NUP153: variants seen among roughly 807,000 people sequenced by gnomAD.
NUP153 encodes nuclear pore complex protein Nup153.
NUP153 carries 27 observed loss-of-function variants against 134.6 expected under a neutral mutation model. That is an observed-to-expected ratio of 0.20 (90% CI 0.15 to 0.28). NUP153 has a LOEUF of 0.28. Ranked by LOEUF, NUP153 falls within the 10% of genes least tolerant of loss-of-function variation. NUP153 has a pLI of 1.00. For synonymous variants in NUP153, 640 were observed against 623.5 expected (o/e 1.03, Z -0.40); for missense variants, 1,821 against 1,731.3 (o/e 1.05, Z -0.92).
chr6:17,659,143 C>T (rs768593150), intron 11 of NUP153, among the ~76,000 whole-genome samples: 3 of 152,252 alleles, frequency 2.0e-5, no homozygotes, highest in Non-Finnish European at 4.4e-5. Flanking sequence ...GCCATATTCA[C>T]CTGACCTCTC....
At chr6:17,681,326 C>A (rs1410562209) in intron 2 of NUP153, among the ~76,000 whole-genome samples, 1 of 152,130 alleles carries the variant, frequency 6.6e-6, no homozygotes, top group African/African-American at 2.4e-5. Context: ...GCGGCTCATG[C>A]CTGTAATCCT....
At chr6:17,673,175 T>C (rs1380344576) in intron 5 of NUP153, among the ~76,000 whole-genome samples, 1 of 152,150 alleles carries the variant, frequency 6.6e-6, no homozygotes, top group South Asian at 2.1e-4. Context: ...GAGACCAGCC[T>C]GGCTAAGATG....
At position 17,675,498 on chromosome 6, in the gene NUP153, T is replaced by C. The variant is rs779959742; in HGVS notation, c.583+24A>G. The C allele has an allele frequency of 6.2e-7, 1 of 1,611,832 alleles. No individual in the cohort carries two copies. The highest frequency in any genetic ancestry group is 8.5e-7 in the Non-Finnish European group (1 of 1,178,574). On this transcript the variant is annotated intron_variant, in intron 3 of 21. Coordinates refer to ENST00000262077, the MANE Select transcript of NUP153 (RefSeq NM_005124.4). This position sits in a 1 kb window ranked among gnomAD's most constrained non-coding sequence, Gnocchi z 4.4. ...AAATTTAATGTTACTACCCAAATTATGTACTACCACATGTCAAGAATACCT... is the reference window on the plus strand; with the variant it reads ...AAATTTAATGTTACTACCCAAATTACGTACTACCACATGTCAAGAATACCT...
At chr6:17,701,990 A>C (rs1770141638) in intron 1 of NUP153, among the ~76,000 whole-genome samples, 1 of 152,086 alleles carries the variant, frequency 6.6e-6, no homozygotes, top group African/African-American at 2.4e-5. Context: ...CGGGACAAAA[A>C]GGGCAAAAAT....
Position 17,669,292 on chromosome 6 carries a change from C to T in NUP153, c.1014+1G>A. Reference sequence around the variant, plus strand: ...GTAAAAAGGTTTAAATCTCAACTTACAGAATTCAGAGGAGAAGAAACAATG... The same window carrying T: ...GTAAAAAGGTTTAAATCTCAACTTATAGAATTCAGAGGAGAAGAAACAATG... On this transcript the variant is annotated splice_donor_variant, in intron 7 of 21. Transcript: ENST00000262077. LOFTEE classifies it high-confidence loss of function. 6 of 1,609,270 alleles carry T rather than the reference C, an allele frequency of 3.7e-6. No individual in the cohort carries two copies. Among genetic ancestry groups the T allele is most frequent in the Non-Finnish European group, 5.1e-6 (6 of 1,176,102 alleles).
intron 8 of NUP153, among the ~76,000 whole-genome samples, chr6:17,667,534 G>C (rs1767608258): frequency 6.6e-6 from 1 of 152,080 alleles, no homozygotes; most frequent in Non-Finnish European, 1.5e-5. Context: ...CTAATACGGT[G>C]AAACCCCATC....
At chr6:17,618,732 A>C (rs1363042105) in intron 20 of NUP153, among the ~76,000 whole-genome samples, 1 of 151,950 alleles carries the variant, frequency 6.6e-6, no homozygotes, top group African/African-American at 2.4e-5. Flanking sequence ...CGCCTGGCTA[A>C]TTTTTTGTAT....
intron 14 of NUP153, among the ~76,000 whole-genome samples, chr6:17,644,536 T>C (rs1766037334): frequency 6.6e-6 from 1 of 152,246 alleles, no homozygotes; most frequent in African/African-American, 2.4e-5. Flanking sequence ...GCCCTTGAGC[T>C]TTGTGTTTAT....
intron 1 of NUP153, among the ~76,000 whole-genome samples, chr6:17,696,514 G>A (rs1265036129): frequency 6.6e-6 from 1 of 152,162 alleles, no homozygotes. Flanking sequence ...CCAGTACTTT[G>A]AGAGGCCGAG....
At chr6:17,671,742 C>G (rs1373920764) in intron 5 of NUP153, among the ~76,000 whole-genome samples, 1 of 152,168 alleles carries the variant, frequency 6.6e-6, no homozygotes, top group African/African-American at 2.4e-5. Flanking sequence ...CATGCTGGCT[C>G]ATACCTATAA....
intron 2 of NUP153, among the ~76,000 whole-genome samples, chr6:17,682,494 A>G (rs1350872823): frequency 6.6e-6 from 1 of 152,152 alleles, no homozygotes; most frequent in Non-Finnish European, 1.5e-5. Flanking sequence ...TAACTGCAGA[A>G]TTTTCAAAAT....
chr6:17,640,636 AGAGT>A (rs1389262309), intron 14 of NUP153, among the ~76,000 whole-genome samples: 3 of 152,204 alleles, frequency 2.0e-5, no homozygotes, highest in Admixed American at 2.0e-4. Flanking sequence ...TTCAAAACAG[AGAGT>A]GAGTGTCTTG....
rs201122253 is a variant in NUP153 at position 17,669,031 on chromosome 6, GAA to G, written c.1015-5_1015-4del. 1.9e-3 allele frequency: 2,275 copies of G among 1,193,150 alleles called. No homozygotes were observed. The highest frequency in any genetic ancestry group is 5.7e-3 in the East Asian group (199 of 34,878). The allele number at this position is 1,193,150 out of a possible 1,614,324, so 73.9% of individuals were successfully genotyped here. A position where few individuals can be genotyped will look rare whatever the true frequency, so the allele number is the denominator to read the frequency against. Reference sequence around the variant, plus strand: ...TCTATCCCACTCCTATCAAGAGGCTGAAAAAAAAAAAAAACACTATTAGAATA... The same window carrying G: ...TCTATCCCACTCCTATCAAGAGGCTGAAAAAAAAAAAACACTATTAGAATA... On this transcript the variant is annotated splice_polypyrimidine_tract_variant and splice_region_variant and intron_variant, in intron 7 of 21. Coordinates refer to ENST00000262077, the MANE Select transcript of NUP153 (RefSeq NM_005124.4).
At chr6:17,619,851 AGTTTGG>A (rs1202238822) in intron 20 of NUP153, among the ~76,000 whole-genome samples, 5 of 152,136 alleles carry the variant, frequency 3.3e-5, no homozygotes, top group African/African-American at 4.8e-5. Context: ...TAATCCTAGC[AGTTTGG>A]GAGGCCGAGG....
intron 11 of NUP153, among the ~76,000 whole-genome samples, chr6:17,655,451 A>T (rs1322298316): frequency 7.6e-6 from 1 of 131,768 alleles, no homozygotes; most frequent in African/African-American, 2.9e-5. Context: ...CTTTAATCTT[A>T]TTATTACTTT....
rs1765757906 is a variant in NUP153 at position 17,640,064 on chromosome 6, G to A, written c.1721C>T (p.Ala574Val). ...ACTGTTCACTGTAGTGACATGATGA[G>A]CTGTAATTTTTTTAAATTTAATAAC... The part of the protein sequence containing the change: ...STLEPIISSS[A>V]HHVTTVNSTN... The change falls in exon 15 of 22, where the codon GCT (alanine) becomes GTT (valine). Residue 574 changes from alanine to valine, a missense_variant and splice_region_variant. Transcript: ENST00000262077. 6.5e-7 allele frequency: 1 copy of A among 1,541,228 alleles called. No homozygotes were observed. Among genetic ancestry groups the A allele is most frequent in the Non-Finnish European group, 8.7e-7 (1 of 1,147,384 alleles).
At position 17,645,707 on chromosome 6, in the gene NUP153, T is replaced by A. The variant is rs1766130585; in HGVS notation, c.1720+360A>T. Among the ~76,000 whole-genome samples, 3 of 152,320 alleles carry A rather than the reference T, an allele frequency of 2.0e-5. No individual in the cohort carries two copies. The South Asian group carries it at 6.2e-4, about 32-fold the overall frequency. On this transcript the variant is annotated intron_variant, in intron 14 of 21. Coordinates refer to ENST00000262077, the MANE Select transcript of NUP153 (RefSeq NM_005124.4). ...TGCTTGTGAACTGAAAGGTAAAAACTAGAAATAAAATCTACTACAACTATA... is the reference window on the plus strand; with the variant it reads ...TGCTTGTGAACTGAAAGGTAAAAACAAGAAATAAAATCTACTACAACTATA...
At chr6:17,619,349 G>A (rs1306075235) in intron 20 of NUP153, among the ~76,000 whole-genome samples, 2 of 152,152 alleles carry the variant, frequency 1.3e-5, no homozygotes, top group Non-Finnish European at 2.9e-5. Context: ...AAGATGTGCT[G>A]TATCAGAAAA....
At chr6:17,616,262 C>G (rs7765156) in intron 21 of NUP153, 81 bp from the exon 22 acceptor site, 707,428 of 708,716 alleles carry the variant, frequency 1, 353,076 homozygotes, top group East Asian at 1. Context: ...ATGAGCAGCA[C>G]AAGGGTAAGG....
Sources: allele counts gnomAD v4.1 joint callset (sites outside exome capture counted in the v4.1 genomes callset), GRCh38; gene constraint gnomAD v4.1.1; non-coding constraint Gnocchi (gnomAD v3.1); transcripts MANE v1.5; gene names NCBI Gene and HGNC (gene_info 2026-07-23, HGNC 2026-07-21).